The following CDH12 variants were observed in gnomAD, a reference collection of about 807,000 sequenced individuals.
CDH12 encodes cadherin-12.
In CDH12, 41 loss-of-function variants were observed where a neutral mutation model predicts 74.1. That is an observed-to-expected ratio of 0.55 (90% CI 0.43 to 0.72). The LOEUF is 0.72. CDH12 is among the 30% of genes least tolerant of loss of function. CDH12 has a pLI of 0.00. For missense variants in CDH12, 945 were observed against 977.2 expected (o/e 0.97, Z 0.44); for synonymous variants, 399 against 355.0 (o/e 1.12, Z -1.39).
chr5:21,841,558 C>A (rs1229830215), intron 8 of CDH12, among the ~76,000 whole-genome samples: 1 of 148,438 alleles, frequency 6.7e-6, no homozygotes, highest in African/African-American at 2.5e-5. Flanking sequence ...CACATGCACA[C>A]GTATGTTTAT....
chr5:21,988,590 C>A (rs1197253754), intron 5 of CDH12, among the ~76,000 whole-genome samples: 7 of 143,324 alleles, frequency 4.9e-5, no homozygotes, highest in Admixed American at 2.8e-4. Flanking sequence ...AAGAAGAAAT[C>A]TAGGATATCC....
At chr5:22,663,503 T>A (rs564564256) in intron 1 of CDH12, among the ~76,000 whole-genome samples, 1 of 152,332 alleles carries the variant, frequency 6.6e-6, no homozygotes, top group South Asian at 2.1e-4. Context: ...ACATCCTTTA[T>A]GTTGCCATAG....
chr5:21,879,390 G>A (rs1225823962), intron 6 of CDH12, among the ~76,000 whole-genome samples: 2 of 148,780 alleles, frequency 1.3e-5, no homozygotes, highest in African/African-American at 5.2e-5. Context: ...AGGGAACAGT[G>A]AACTTAACCT....
chr5:22,848,178 A>G (rs931814525), intron 1 of CDH12, among the ~76,000 whole-genome samples: 6 of 152,182 alleles, frequency 3.9e-5, no homozygotes, highest in African/African-American at 1.4e-4. Flanking sequence ...TTTATTTGAC[A>G]TGTTAACCTT....
intron 1 of CDH12, among the ~76,000 whole-genome samples, chr5:22,550,917 T>G (rs1411908507): frequency 1.3e-5 from 2 of 152,146 alleles, no homozygotes; most frequent in Non-Finnish European, 2.9e-5. Context: ...GTGCTCAAAA[T>G]TGCTTGGGTG....
intron 1 of CDH12, among the ~76,000 whole-genome samples, chr5:22,586,821 C>A (rs746926852): frequency 6.4e-4 from 93 of 145,238 alleles, no homozygotes; most frequent in Non-Finnish European, 9.2e-4. Flanking sequence ...CCCAATGCAA[C>A]AGAGTTTAGA....
At chr5:22,274,514 A>G (rs565567353) in intron 3 of CDH12, among the ~76,000 whole-genome samples, 2 of 152,120 alleles carry the variant, frequency 1.3e-5, no homozygotes, top group South Asian at 2.1e-4. Flanking sequence ...TTAAATGGAT[A>G]TAATTTTATC....
intron 1 of CDH12, among the ~76,000 whole-genome samples, chr5:22,590,945 T>G (rs993131795): frequency 2.0e-5 from 3 of 151,008 alleles, no homozygotes; most frequent in African/African-American, 7.4e-5. Context: ...TTGTAAAATC[T>G]GTCTTTTTCC....
intron 4 of CDH12, among the ~76,000 whole-genome samples, chr5:22,184,278 G>A (rs751982030): frequency 6.6e-6 from 1 of 152,158 alleles, no homozygotes; most frequent in Non-Finnish European, 1.5e-5. Context: ...ATTGGAAGTA[G>A]TGAGATGGGT....
Position 22,654,256 on chromosome 5 carries a change from T to C in CDH12, c.-522-148892A>G, listed in dbSNP as rs558689014. 7.9e-5 allele frequency among the ~76,000 whole-genome samples: 12 copies of C among 151,772 alleles called. 1 individual carries two copies. The South Asian group carries it at 2.5e-3, about 32-fold the overall frequency. ...TCTTTGTTTCTTTCTTTCTTTCTCTTTCTTGCTTTCTTTCTTTTACGTATT... is the reference window on the plus strand; with the variant it reads ...TCTTTGTTTCTTTCTTTCTTTCTCTCTCTTGCTTTCTTTCTTTTACGTATT... On this transcript the variant is annotated intron_variant, in intron 1 of 14. Coordinates refer to ENST00000382254, the MANE Select transcript of CDH12 (RefSeq NM_004061.5).
At chr5:21,841,887 T>G in intron 8 of CDH12, among the ~76,000 whole-genome samples, 2 of 145,578 alleles carry the variant, frequency 1.4e-5, no homozygotes, top group South Asian at 2.4e-4. Context: ...AGGGATAGCA[T>G]TGGGAGATAT....
At chr5:22,008,213 C>T (rs1737076651) in intron 5 of CDH12, among the ~76,000 whole-genome samples, 2 of 151,838 alleles carry the variant, frequency 1.3e-5, no homozygotes, top group South Asian at 4.2e-4. Flanking sequence ...ACTTAGAATT[C>T]TGCTCACATG....
intron 3 of CDH12, among the ~76,000 whole-genome samples, chr5:22,232,819 A>G (rs1752428547): frequency 6.7e-6 from 1 of 148,874 alleles, no homozygotes; most frequent in Non-Finnish European, 1.5e-5. Flanking sequence ...CTTTGTCCCA[A>G]GTTGCTAAAG....
At chr5:22,819,044 A>G (rs1408970118) in intron 1 of CDH12, among the ~76,000 whole-genome samples, 1 of 152,156 alleles carries the variant, frequency 6.6e-6, no homozygotes, top group Non-Finnish European at 1.5e-5. Context: ...ATAAAAATAA[A>G]TTTAAAATTT....
chr5:21,970,333 T>A (rs993133871), intron 6 of CDH12, among the ~76,000 whole-genome samples: 1 of 152,186 alleles, frequency 6.6e-6, no homozygotes, highest in Admixed American at 6.5e-5. Flanking sequence ...TGCTACTAAT[T>A]GAGGGGCTCT....
chr5:22,027,967 C>G (rs1738499771), intron 5 of CDH12, among the ~76,000 whole-genome samples: 1 of 151,864 alleles, frequency 6.6e-6, no homozygotes, highest in Non-Finnish European at 1.5e-5. Context: ...TATAAATTTC[C>G]CTCTACACAC....
At chr5:22,784,782 G>A (rs113498058) in intron 1 of CDH12, among the ~76,000 whole-genome samples, 8,014 of 152,084 alleles carry the variant, frequency 0.053, 692 homozygotes, top group African/African-American at 0.18. Context: ...TTAAATTTCT[G>A]AAACGCTGTT....
chr5:22,264,457 G>T (rs1188678508), intron 3 of CDH12, among the ~76,000 whole-genome samples: 1 of 152,038 alleles, frequency 6.6e-6, no homozygotes, highest in African/African-American at 2.4e-5. Context: ...GTTAATGACA[G>T]CAAAATTATA....
intron 3 of CDH12, among the ~76,000 whole-genome samples, chr5:22,319,946 CAGG>C (rs984929554): frequency 6.6e-6 from 1 of 151,920 alleles, no homozygotes; most frequent in Admixed American, 6.6e-5. Context: ...GAGACGGGAG[CAGG>C]AGAAGGGAGA....
Sources: gnomAD v4.1 joint callset for allele counts (sites outside exome capture counted in the v4.1 genomes callset) on GRCh38, gnomAD v4.1.1 for gene constraint, MANE v1.5 for transcripts, NCBI Gene and HGNC (gene_info 2026-07-23, HGNC 2026-07-21) for gene names.